RWDD2B: variants seen among roughly 807,000 people sequenced by gnomAD.
RWDD2B encodes RWD domain-containing protein 2B.
A neutral mutation model predicts 33.6 loss-of-function variants in RWDD2B; 36 were observed. The ratio of observed to expected loss-of-function variants is 1.07; its 90% confidence interval spans 0.82 to 1.42. RWDD2B has a LOEUF of 1.42. Ranked by LOEUF, RWDD2B falls within the 40% of genes most tolerant of loss-of-function variation. The probability of loss-of-function intolerance (pLI) is 0.00; values close to 1 mark genes in which losing one functional copy is unlikely to be tolerated. For synonymous variants in RWDD2B, 126 were observed against 133.1 expected (o/e 0.95, Z 0.37); for missense variants, 364 against 377.5 (o/e 0.96, Z 0.30).
At chr21:29,017,124 G>A (rs2084894270) in intron 1 of RWDD2B, among the ~76,000 whole-genome samples, 2 of 151,568 alleles carry the variant, frequency 1.3e-5, no homozygotes, top group South Asian at 4.2e-4. Flanking sequence ...ACCCGCCCTG[G>A]GCTCCCAAAG....
intron 4 of RWDD2B, 120 bp downstream of exon 4, chr21:29,007,641 G>T: frequency 9.9e-7 from 1 of 1,013,742 alleles, no homozygotes; most frequent in Non-Finnish European, 1.4e-6. Flanking sequence ...ATAATCTTAT[G>T]GCATCACTGT....
At chr21:29,013,684 G>A (rs1266135889) in intron 1 of RWDD2B, among the ~76,000 whole-genome samples, 16 of 130,066 alleles carry the variant, frequency 1.2e-4, no homozygotes, top group Non-Finnish European at 2.3e-4. Context: ...GTGAGACTCC[G>A]TCTCAAAAAA....
At chr21:29,017,216 CTCAAGCACTTACGT>C (rs1361567981) in intron 1 of RWDD2B, among the ~76,000 whole-genome samples, 15 of 152,020 alleles carry the variant, frequency 9.9e-5, no homozygotes, top group African/African-American at 3.1e-4. Flanking sequence ...ACAAATGTTT[CTCAAGCACTTACGT>C]TCAAGCACTG....
intron 1 of RWDD2B, among the ~76,000 whole-genome samples, chr21:29,010,777 C>T (rs891950323): frequency 6.6e-6 from 1 of 151,654 alleles, no homozygotes; most frequent in African/African-American, 2.4e-5. Flanking sequence ...GCCTGATTCT[C>T]CTGCCTCAGC....
In RWDD2B at chr21:29,014,003, T is replaced by G. The variant is rs557680063; in HGVS notation, c.67+5208A>C. Among the ~76,000 whole-genome samples the G allele has an allele frequency of 5.6e-4, 86 of 152,328 alleles. 1 individual carries two copies. The highest frequency in any genetic ancestry group is 1.9e-3 in the South Asian group (9 of 4,826). ...AAATTTAACTATATCTGTATATTTCTATTGGATGTTATATTAGTTCATTTT... is the reference window on the plus strand; with the variant it reads ...AAATTTAACTATATCTGTATATTTCGATTGGATGTTATATTAGTTCATTTT... On this transcript the variant is annotated intron_variant, in intron 1 of 4. Transcript: ENST00000493196.
At position 29,019,294 on chromosome 21, in the gene RWDD2B, A is replaced by G; in HGVS notation, c.-17T>C. On this transcript the variant is annotated 5_prime_UTR_variant, in exon 1 of 5. Coordinates refer to ENST00000493196, the MANE Select transcript of RWDD2B (RefSeq NM_016940.3). ...AATTTTCATCAGAAGGGAGCCTCAA[A>G]ATTCTAGCATACTGCGACCCAAAAC... 5 of 1,588,400 alleles carry G rather than the reference A, an allele frequency of 3.1e-6. No individual in the cohort carries two copies. The South Asian group carries it at 3.4e-5, about 11-fold the overall frequency.
chr21:29,011,544 G>A, intron 1 of RWDD2B, among the ~76,000 whole-genome samples: 1 of 150,412 alleles, frequency 6.6e-6, no homozygotes, highest in African/African-American at 2.5e-5. Context: ...GGTGGGGGGG[G>A]GTCAGCCCCC....
intron 1 of RWDD2B, among the ~76,000 whole-genome samples, chr21:29,011,909 G>A (rs1169773836): frequency 1.7e-5 from 2 of 116,654 alleles, no homozygotes; most frequent in Non-Finnish European, 3.6e-5. Flanking sequence ...TCAGCCCCCC[G>A]CCTGGCCAGC....
At position 29,008,536 on chromosome 21, in the gene RWDD2B, A is replaced by T; in HGVS notation, c.153T>A (p.Pro51=). 6.2e-7 allele frequency: 1 copy of T among 1,614,166 alleles called. No individual in the cohort carries two copies. Among genetic ancestry groups the T allele is most frequent in the Non-Finnish European group, 8.5e-7 (1 of 1,180,032 alleles). ...CATTCACTATGAGCTCATTCTCACC[A>T]GGGAACATACTGGCTAGCAGGTCTA... The part of the protein sequence containing the change: ...AELDLLASMF[P]GENELIVNDQ... Residue 51 remains proline, a synonymous_variant, in exon 2 of 5, where the codon CCT becomes CCA. Transcript: ENST00000493196.
chr21:29,012,278 ACAG>A (rs967402617), intron 1 of RWDD2B, among the ~76,000 whole-genome samples: 1 of 152,092 alleles, frequency 6.6e-6, no homozygotes, highest in African/African-American at 2.4e-5. Context: ...GGTGTACCCA[ACAG>A]CTCACTGAGA....
intron 4 of RWDD2B, among the ~76,000 whole-genome samples, chr21:29,007,082 T>C (rs2084832243): frequency 6.6e-6 from 1 of 152,222 alleles, no homozygotes; most frequent in Non-Finnish European, 1.5e-5. Flanking sequence ...CAGAAATTCA[T>C]TTAGTATATC....
intron 1 of RWDD2B, among the ~76,000 whole-genome samples, chr21:29,013,460 C>T (rs565251139): frequency 1.5e-4 from 23 of 151,950 alleles, no homozygotes; most frequent in Admixed American, 3.9e-4. Flanking sequence ...GAGGCAGAGG[C>T]GGGCGGATCA....
In RWDD2B at chr21:29,008,501, G is replaced by A. The variant is rs202106997; in HGVS notation, c.188C>T (p.Ala63Val). 1.2e-4 allele frequency: 191 copies of A among 1,614,136 alleles called. 3 individuals are homozygous for A. In the South Asian group the frequency reaches 1.5e-3, roughly 13 times the overall value. Reference protein sequence around the residue: ...ENELIVNDQLAVAELKDCIEK... With the variant: ...ENELIVNDQLVVAELKDCIEK... ...AATACAATCTTTCAGTTCTGCTACA[G>A]CCAGCTGGTCATTCACTATGAGCTC... The change falls in exon 2 of 5, where the codon GCT (alanine) becomes GTT (valine). Residue 63 changes from alanine to valine, a missense_variant. Transcript: ENST00000493196.
Position 29,008,326 on chromosome 21 carries a change from A to G in RWDD2B, c.295-19T>C, listed in dbSNP as rs1227238313. On this transcript the variant is annotated intron_variant, in intron 2 of 4. Coordinates refer to ENST00000493196, the MANE Select transcript of RWDD2B (RefSeq NM_016940.3). ...ACATCGCCTGATTAAAGAGAAGAAG[A>G]AAAAGTGCACTAACCAATGTTTTAA... The G allele has an allele frequency of 1.2e-6, 2 of 1,613,634 alleles. No homozygotes were observed. The highest frequency in any genetic ancestry group is 1.7e-6 in the Non-Finnish European group (2 of 1,179,598).
rs902103666 is a variant in RWDD2B, at chr21:29,005,321, G to A, written c.*1096C>T. 4 of 152,144 alleles carry A rather than the reference G, an allele frequency of 2.6e-5. No individual in the cohort carries two copies. The highest frequency in any genetic ancestry group is 5.9e-5 in the Non-Finnish European group (4 of 68,038). 9.4% of individuals were successfully genotyped at this position (152,144 alleles called of 1,614,324 possible). A position where few individuals can be genotyped will look rare whatever the true frequency, so the allele number is the denominator to read the frequency against. ...CAGAGCGTGAGTATACAAAAAGTGG[G>A]GAACTGCAAACTCCACTTCAGAAAA... On this transcript the variant is annotated 3_prime_UTR_variant, in exon 5 of 5. Transcript: ENST00000493196.
chr21:29,006,678 T>G (rs754697332), intron 4 of RWDD2B, 27 bp from the exon 5 acceptor site: 3 of 1,368,804 alleles, frequency 2.2e-6, no homozygotes, highest in Non-Finnish European at 3.1e-6. Context: ...AAAGTAAACA[T>G]TTTCAAAATG....
chr21:29,019,210 C>T lies in RWDD2B; in HGVS notation c.67+1G>A. 6.3e-7 allele frequency: 1 copy of T among 1,597,768 alleles called. No homozygotes were observed. ...CTGGCGCTAGCTGAGGCGAGACTCA[C>T]CTTGAGCCGTGGCCCCCTCACTGCT... On this transcript the variant is annotated splice_donor_variant, in intron 1 of 4. Transcript: ENST00000493196. LOFTEE classifies it high-confidence loss of function.
At position 29,008,001 on chromosome 21, in the gene RWDD2B, G is replaced by A. The variant is rs771476221; in HGVS notation, c.485C>T (p.Ala162Val). The change falls in exon 4 of 5, where the codon GCC becomes GTC. Residue 162 changes from alanine (A) to valine (V), a missense_variant. Transcript: ENST00000493196. The stretch of plus-strand genomic sequence containing the variant: ...AGTATCTCTGCTGACATAGCCAGAG[G>A]CGTGTTCTCTAACCCACTCTGTGGC... ...LNATEWVREH[A>V]SGYVSRDTSS... The A allele has an allele frequency of 6.2e-7, 1 of 1,614,262 alleles. No homozygotes were observed. The highest frequency in any genetic ancestry group is 1.1e-5 in the South Asian group (1 of 91,086).
intron 1 of RWDD2B, among the ~76,000 whole-genome samples, chr21:29,016,576 A>G (rs2146341645): frequency 6.6e-6 from 1 of 151,570 alleles, no homozygotes; most frequent in East Asian, 1.9e-4. Flanking sequence ...TTTTTTTTTA[A>G]ACAAAATCCT....
Sources: allele counts gnomAD v4.1 joint callset (sites outside exome capture counted in the v4.1 genomes callset), GRCh38; gene constraint gnomAD v4.1.1; transcripts MANE v1.5; gene names NCBI Gene and HGNC (gene_info 2026-07-23, HGNC 2026-07-21).